The following C3orf70 variants were observed in gnomAD, a reference collection of about 807,000 sequenced individuals.
C3orf70 encodes the protein chromosome 3 open reading frame 70.
C3orf70 carries 15 observed loss-of-function variants against 20.7 expected under a neutral mutation model. That is an observed-to-expected ratio of 0.72 (90% confidence interval 0.48 to 1.11). The LOEUF is 1.11. Among genes scored for constraint, C3orf70 ranks in the 50% most tolerant of loss-of-function variants. C3orf70 has a pLI of 0.00. For missense variants in C3orf70, 332 were observed against 317.6 expected (o/e 1.05, Z -0.34); for synonymous variants, 161 against 125.7 (o/e 1.28, Z -1.88).
At chr3:185,134,415 G>C (rs1326708571) in intron 1 of C3orf70, among the ~76,000 whole-genome samples, 1 of 152,158 alleles carries the variant, frequency 6.6e-6, no homozygotes, top group Non-Finnish European at 1.5e-5. Flanking sequence ...ACTGAAAGGT[G>C]GGGAGAAGAA....
chr3:185,146,719 A>T (rs755056175), intron 1 of C3orf70, among the ~76,000 whole-genome samples: 18 of 152,238 alleles, frequency 1.2e-4, no homozygotes, highest in Non-Finnish European at 2.5e-4. Flanking sequence ...TGTTATTGAT[A>T]TGAATCAGAA....
chr3:185,147,127 T>C (rs1716893400), intron 1 of C3orf70, among the ~76,000 whole-genome samples: 1 of 152,200 alleles, frequency 6.6e-6, no homozygotes, highest in Non-Finnish European at 1.5e-5. Context: ...TGTGACAGTC[T>C]TTCTTTAGAT....
chr3:185,110,969 A>G (rs1307610144), intron 1 of C3orf70, among the ~76,000 whole-genome samples: 1 of 151,984 alleles, frequency 6.6e-6, no homozygotes, highest in Non-Finnish European at 1.5e-5. Context: ...CCCACTTCAC[A>G]CCTCTATATT....
chr3:185,082,285 ATGC>A lies in C3orf70; in HGVS notation c.*719_*721del, dbSNP rs1318998855. 1 of 152,212 alleles carries A rather than the reference ATGC, an allele frequency of 6.6e-6. No homozygotes were observed. Among genetic ancestry groups the A allele is most frequent in the Non-Finnish European group, 1.5e-5 (1 of 68,102 alleles). The allele number at this position is 152,212 out of a possible 1,614,324, so 9.4% of individuals were successfully genotyped here. On this transcript the variant is annotated 3_prime_UTR_variant, in exon 2 of 2. Transcript: ENST00000335012. Reference sequence around the variant, plus strand: ...TCATGGTGGGAATCAGGTCTTATTCATGCTGTGTCCCCACAGCCCCCTGCAGGG... The same window carrying A: ...TCATGGTGGGAATCAGGTCTTATTCATGTGTCCCCACAGCCCCCTGCAGGG...
intron 1 of C3orf70, among the ~76,000 whole-genome samples, chr3:185,150,563 T>C (rs1038067753): frequency 4.6e-5 from 7 of 152,176 alleles, no homozygotes; most frequent in Admixed American, 2.6e-4. Flanking sequence ...AACAGCTCAA[T>C]GGCTTTGATG....
chr3:185,150,529 G>C (rs201443864), intron 1 of C3orf70, among the ~76,000 whole-genome samples: 1 of 152,082 alleles, frequency 6.6e-6, no homozygotes, highest in Non-Finnish European at 1.5e-5. Flanking sequence ...ACAGTGGCTT[G>C]TCACATATGT....
chr3:185,118,548 A>G (rs1370869962), intron 1 of C3orf70, among the ~76,000 whole-genome samples: 1 of 152,202 alleles, frequency 6.6e-6, no homozygotes, highest in Non-Finnish European at 1.5e-5. Flanking sequence ...GAATATACAC[A>G]TATTGCACTT....
intron 1 of C3orf70, among the ~76,000 whole-genome samples, chr3:185,132,577 A>G (rs1280142526): frequency 6.6e-6 from 1 of 152,200 alleles, no homozygotes; most frequent in Non-Finnish European, 1.5e-5. Flanking sequence ...AGAGTGACAA[A>G]GAGATTCAAT....
intron 1 of C3orf70, among the ~76,000 whole-genome samples, chr3:185,119,937 G>A (rs7619726): frequency 0.012 from 1,741 of 149,264 alleles, 36 homozygotes; most frequent in African/African-American, 0.041. Flanking sequence ...CAGGAGGATC[G>A]CTTGAATGTG....
At chr3:185,135,550 G>C (rs1295699566) in intron 1 of C3orf70, among the ~76,000 whole-genome samples, 3 of 152,190 alleles carry the variant, frequency 2.0e-5, no homozygotes, top group African/African-American at 7.2e-5. Flanking sequence ...ACATACATTA[G>C]ACAAAAGGGA....
intron 1 of C3orf70, among the ~76,000 whole-genome samples, chr3:185,104,280 T>G (rs1485927951): frequency 6.6e-6 from 1 of 152,202 alleles, no homozygotes; most frequent in Non-Finnish European, 1.5e-5. Flanking sequence ...CCTGACCTGT[T>G]TCAACACCAG....
chr3:185,077,789 T>TG lies in C3orf70; in HGVS notation c.*5217dup, dbSNP rs10663284. ...TGAAATAAATGCTATTTGGTGGTGG[T>TG]GGGGGGGGGGTATCAAGTTTTATTT... On this transcript the variant is annotated 3_prime_UTR_variant, in exon 2 of 2. Coordinates refer to ENST00000335012, the MANE Select transcript of C3orf70 (RefSeq NM_001025266.3). Among the ~76,000 whole-genome samples, 17,596 of 124,068 alleles carry TG rather than the reference T, an allele frequency of 0.14. 1,752 individuals carry two copies. Among genetic ancestry groups the TG allele is most frequent in the African/African-American group, 0.29 (9,622 of 33,722 alleles). The allele number at this position is 124,068 out of a possible 152,430, so 81.4% of individuals were successfully genotyped here.
Position 185,077,682 on chromosome 3 carries a change from A to G in C3orf70, c.*5325T>C, listed in dbSNP as rs577083530. On this transcript the variant is annotated 3_prime_UTR_variant, in exon 2 of 2. Transcript: ENST00000335012. Reference sequence around the variant, plus strand: ...CTCTGCCGGGCAGCAGCCTCCCTCGATGCCTGATCTTCAGTTAGAACTGCA... The same window carrying G: ...CTCTGCCGGGCAGCAGCCTCCCTCGGTGCCTGATCTTCAGTTAGAACTGCA... Among the ~76,000 whole-genome samples, 15 of 150,494 alleles carry G rather than the reference A, an allele frequency of 1.0e-4. No individual in the cohort carries two copies. Among genetic ancestry groups the G allele is most frequent in the African/African-American group, 3.4e-4 (14 of 41,176 alleles).
At chr3:185,116,593 C>A (rs1384164305) in intron 1 of C3orf70, among the ~76,000 whole-genome samples, 1 of 152,178 alleles carries the variant, frequency 6.6e-6, no homozygotes, top group Non-Finnish European at 1.5e-5. Context: ...AAAAATGTTT[C>A]CAGGCATTAC....
intron 1 of C3orf70, among the ~76,000 whole-genome samples, chr3:185,095,360 C>T (rs13434078): frequency 0.044 from 6,727 of 152,286 alleles, 469 homozygotes; most frequent in African/African-American, 0.15. Flanking sequence ...CGTGTAGTTT[C>T]CTGCCATTGC....
chr3:185,139,469 C>T (rs1716700492), intron 1 of C3orf70, among the ~76,000 whole-genome samples: 2 of 150,276 alleles, frequency 1.3e-5, no homozygotes, highest in Admixed American at 1.3e-4. Context: ...AGGAGAATTG[C>T]TTGAACCCAG....
Position 185,111,046 on chromosome 3 carries a change from G to T in C3orf70, c.197-27483C>A, listed in dbSNP as rs140138714. On this transcript the variant is annotated intron_variant, in intron 1 of 1. Transcript: ENST00000335012. ...GGGTCTCCCTGACTGAGCTGTTCTT[G>T]GCACACATGCAAAAGAAAGAAAATT... Among the ~76,000 whole-genome samples, 87 of 152,078 alleles carry T rather than the reference G, an allele frequency of 5.7e-4. 1 individual carries two copies. Among genetic ancestry groups the T allele is most frequent in the African/African-American group, 1.9e-3 (80 of 41,470 alleles).
At chr3:185,094,699 G>C (rs1715665851) in intron 1 of C3orf70, among the ~76,000 whole-genome samples, 1 of 151,994 alleles carries the variant, frequency 6.6e-6, no homozygotes, top group Non-Finnish European at 1.5e-5. Context: ...GTTCCTATTA[G>C]GTGGCCAAAT....
intron 1 of C3orf70, among the ~76,000 whole-genome samples, chr3:185,121,630 G>C (rs1359985917): frequency 6.6e-6 from 1 of 152,166 alleles, no homozygotes; most frequent in Non-Finnish European, 1.5e-5. Context: ...AATCTGATGG[G>C]AGAAGAGTAG....
Sources: gnomAD v4.1 joint callset for allele counts (sites outside exome capture counted in the v4.1 genomes callset) on GRCh38, gnomAD v4.1.1 for gene constraint, MANE v1.5 for transcripts, NCBI Gene and HGNC (gene_info 2026-07-23, HGNC 2026-07-21) for gene names.